Variants in SYNE1 observed in about 807,000 individuals in gnomAD.
SYNE1 encodes the protein nesprin-1.
Under a neutral mutation model 1,111.0 loss-of-function variants are expected in SYNE1, and 616 were observed. That is an observed-to-expected ratio of 0.55 (90% CI 0.52 to 0.59). The LOEUF (loss-of-function observed/expected upper bound fraction) is 0.59, where lower values mean the gene tolerates loss of function less well. Ranked by LOEUF, SYNE1 falls within the 20% of genes least tolerant of loss-of-function variation. SYNE1 has a pLI of 0.00. For missense variants in SYNE1, 10,006 were observed against 10,417.0 expected, an observed-to-expected ratio of 0.96 and a Z score of 1.72; for synonymous variants, 3,855 against 3,825.8, an observed-to-expected ratio of 1.01 and a Z score of -0.28.
intron 124 of SYNE1, among the ~76,000 whole-genome samples, chr6:152,208,989 GT>G (rs58408626): frequency 0.022 from 3,366 of 152,208 alleles, 119 homozygotes; most frequent in African/African-American, 0.078. Context: ...AATATAGGTA[GT>G]TCTTTATTAC....
rs145420559 is a variant in SYNE1, at chr6:152,308,432, A to G, written c.17346+57T>C. On this transcript the variant is annotated intron_variant, in intron 91 of 145. Coordinates refer to ENST00000367255, the MANE Select transcript of SYNE1 (RefSeq NM_182961.4). ...CTCTTCCATTCTCTAGAAACCAAAC[A>G]TATACTCTAATCAAGCCAGTTTCCT... The G allele has an allele frequency of 7.6e-4, 1,218 of 1,611,774 alleles. 9 individuals are homozygous for G. In the African/African-American group the frequency reaches 0.014, roughly 18 times the overall value.
intron 3 of SYNE1, among the ~76,000 whole-genome samples, chr6:152,620,789 T>C (rs548641259): frequency 6.6e-6 from 1 of 152,328 alleles, no homozygotes; most frequent in East Asian, 1.9e-4. Context: ...TTATATTATA[T>C]GCACTTAACA....
intron 105 of SYNE1, among the ~76,000 whole-genome samples, chr6:152,248,199 G>A (rs2088001454): frequency 1.3e-5 from 2 of 152,040 alleles, no homozygotes; most frequent in Admixed American, 1.3e-4. Flanking sequence ...ATTTTTACCT[G>A]CAAACATCCC....
rs368900318 is a variant in SYNE1 at position 152,350,224 on chromosome 6, C to A, written c.11845G>T (p.Asp3949Tyr). ...LQMSGRLVAPDLLETSSLETI... is the reference protein window; with the variant it reads ...LQMSGRLVAPYLLETSSLETI... Reference sequence around the variant, plus strand: ...TCCAGGCTGCTTGTCTCCAGGAGGTCAGGTGCCACCAGTCTGCCAGACATC... The same window carrying A: ...TCCAGGCTGCTTGTCTCCAGGAGGTAAGGTGCCACCAGTCTGCCAGACATC... Residue 3949 changes from aspartate (D) to tyrosine (Y), a missense_variant, in exon 72 of 146, where the codon GAC becomes TAC. This residue lies in a region of SYNE1 where 4,955 missense variants were observed against 5,017.2 expected (regional missense o/e 0.99). Transcript: ENST00000367255. 1.2e-6 allele frequency: 2 copies of A among 1,614,074 alleles called. No individual in the cohort carries two copies. Among genetic ancestry groups the A allele is most frequent in the Non-Finnish European group, 8.5e-7 (1 of 1,180,026 alleles).
At chr6:152,352,397 T>C (rs1192669530) in intron 69 of SYNE1, 44 bp from the exon 70 acceptor site, 3 of 1,544,626 alleles carry the variant, frequency 1.9e-6, no homozygotes, top group Non-Finnish European at 2.6e-6. Context: ...CTTGTTTCTT[T>C]TCTTTTCTTT....
chr6:152,414,434 G>C (rs1407063419), intron 41 of SYNE1, among the ~76,000 whole-genome samples: 1 of 151,970 alleles, frequency 6.6e-6, no homozygotes, highest in Non-Finnish European at 1.5e-5. Flanking sequence ...TGGCCACAAA[G>C]AGGCAGCCAT....
intron 73 of SYNE1, among the ~76,000 whole-genome samples, chr6:152,344,799 A>G (rs778356173): frequency 1.8e-4 from 28 of 152,102 alleles, no homozygotes; most frequent in Non-Finnish European, 3.5e-4. Flanking sequence ...TAATTCATAC[A>G]TTTTCTGATA....
At chr6:152,373,285 C>CT (rs11319149) in intron 58 of SYNE1, 66 bp from the exon 59 acceptor site, 103,346 of 1,038,468 alleles carry the variant, frequency 0.1, 2 homozygotes, top group East Asian at 0.11. Flanking sequence ...TTTTTCTTTT[C>CT]TTTTTTTTTT....
intron 2 of SYNE1, among the ~76,000 whole-genome samples, chr6:152,636,430 G>A (rs953672028): frequency 2.6e-5 from 4 of 152,126 alleles, no homozygotes; most frequent in Non-Finnish European, 4.4e-5. Context: ...GATGCAAAGA[G>A]GCTCCCCAAC....
intron 14 of SYNE1, among the ~76,000 whole-genome samples, chr6:152,475,181 T>C (rs1275128608): frequency 6.6e-6 from 1 of 152,184 alleles, no homozygotes; most frequent in Non-Finnish European, 1.5e-5. Context: ...AGAAATCTGA[T>C]ATAAATGCAT....
chr6:152,288,327 T>G (rs887868180), intron 95 of SYNE1, among the ~76,000 whole-genome samples: 3 of 152,184 alleles, frequency 2.0e-5, no homozygotes, highest in Admixed American at 1.3e-4. Context: ...TTAACCTACT[T>G]TCCACTAACT....
At chr6:152,134,904 C>G (rs2056693589) in intron 142 of SYNE1, 200 bp downstream of exon 142, 2 of 608,648 alleles carry the variant, frequency 3.3e-6, no homozygotes, top group Non-Finnish European at 2.8e-6. Flanking sequence ...GATTCTAAAG[C>G]TAGCAGATAT....
intron 135 of SYNE1, 51 bp downstream of exon 135, chr6:152,151,502 T>C (rs1289850477): frequency 6.2e-7 from 1 of 1,610,298 alleles, no homozygotes; most frequent in Non-Finnish European, 8.5e-7. Flanking sequence ...CCACAAATCC[T>C]TTCATTTTCA....
At chr6:152,178,370 G>C (rs2067011365) in intron 129 of SYNE1, among the ~76,000 whole-genome samples, 2 of 152,252 alleles carry the variant, frequency 1.3e-5, no homozygotes, top group South Asian at 4.1e-4. Flanking sequence ...ACTTAGCAAA[G>C]GGCAACCGTG....
At chr6:152,456,111 T>G in intron 22 of SYNE1, 67 bp from the exon 23 acceptor site, 1 of 1,536,066 alleles carries the variant, frequency 6.5e-7, no homozygotes, top group Non-Finnish European at 8.9e-7. Context: ...AGAAAGAGAG[T>G]GACCATTACA....
At chr6:152,523,873 G>C (rs1324896998) in intron 5 of SYNE1, among the ~76,000 whole-genome samples, 1 of 152,058 alleles carries the variant, frequency 6.6e-6, no homozygotes, top group Non-Finnish European at 1.5e-5. Flanking sequence ...CTATATAAAA[G>C]TGCTACTGAC....
At chr6:152,300,394 G>C (rs1321680335) in intron 93 of SYNE1, among the ~76,000 whole-genome samples, 1 of 152,168 alleles carries the variant, frequency 6.6e-6, no homozygotes, top group Non-Finnish European at 1.5e-5. Flanking sequence ...TCTTAAAACA[G>C]AGCCTTCTGG....
chr6:152,364,316 A>G (rs1476395286), intron 63 of SYNE1, among the ~76,000 whole-genome samples: 2 of 152,092 alleles, frequency 1.3e-5, no homozygotes, highest in African/African-American at 2.4e-5. Flanking sequence ...CAGAGTGAGA[A>G]CGGGCTAATA....
intron 3 of SYNE1, among the ~76,000 whole-genome samples, chr6:152,555,453 G>T (rs2099361762): frequency 6.6e-6 from 1 of 152,100 alleles, no homozygotes. Context: ...GGAGTAAAAG[G>T]CTATTAACAC....
Sources: gnomAD v4.1 joint callset for allele counts (sites outside exome capture counted in the v4.1 genomes callset) on GRCh38, gnomAD v4.1.1 for gene constraint, gnomAD v4.1.1 regional missense constraint, MANE v1.5 for transcripts, NCBI Gene and HGNC (gene_info 2026-07-23, HGNC 2026-07-21) for gene names.